The following FZD6 variants were observed in gnomAD, a reference collection of about 807,000 sequenced individuals.
The protein encoded by FZD6 is frizzled-6.
Under a neutral mutation model 61.4 loss-of-function variants are expected in FZD6, and 49 were observed. That is an observed-to-expected ratio of 0.80 (90% CI 0.63 to 1.01). The LOEUF is 1.01. Ranked by LOEUF, FZD6 falls within the 50% of genes least tolerant of loss-of-function variation. FZD6 has a pLI of 0.00. For synonymous variants in FZD6, 265 were observed against 292.2 expected, an observed-to-expected ratio of 0.91 and a Z score of 0.95; for missense variants, 724 against 848.2, an observed-to-expected ratio of 0.85 and a Z score of 1.82.
Position 103,331,395 on chromosome 8 carries a change from G to C in FZD6, c.2007G>C (p.Leu669Phe). The C allele has an allele frequency of 6.2e-7, 1 of 1,611,738 alleles. No individual in the cohort carries two copies. The highest frequency in any genetic ancestry group is 8.5e-7 in the Non-Finnish European group (1 of 1,177,904). Residue 669 changes from leucine (L) to phenylalanine (F), a missense_variant, in exon 7 of 7, where the codon TTG becomes TTC. Leu to Phe is a conservative substitution (Grantham distance 22). Transcript: ENST00000358755. ...CTGGCCTGGCACAGAGCAACAATTT[G>C]CAGGTCCCCAGTTCTTCAGAACCAA... is the stretch of plus-strand genomic sequence containing the variant. ...TDTGLAQSNN[L>F]QVPSSSEPSS... is the part of the protein sequence containing the mutation.
intron 2 of FZD6, among the ~76,000 whole-genome samples, 168 bp downstream of exon 2, chr8:103,300,452 G>A (rs1294934945): frequency 6.6e-6 from 1 of 152,142 alleles, no homozygotes; most frequent in Non-Finnish European, 1.5e-5. Flanking sequence ...CTTATGTTTT[G>A]TGTACCTTTG....
chr8:103,312,534 G>A (rs930008700), intron 2 of FZD6, among the ~76,000 whole-genome samples: 1 of 152,200 alleles, frequency 6.6e-6, no homozygotes, highest in Non-Finnish European at 1.5e-5. Context: ...GTTTAATGAT[G>A]TGATGAAATT....
At chr8:103,327,458 T>C (rs1007196242) in intron 4 of FZD6, among the ~76,000 whole-genome samples, 53 of 152,248 alleles carry the variant, frequency 3.5e-4, no homozygotes, top group African/African-American at 9.6e-4. Context: ...TAGCCAGGCA[T>C]GGTGGCGTAC....
chr8:103,328,486 A>G, intron 5 of FZD6, 70 bp downstream of exon 5: 1 of 1,185,380 alleles, frequency 8.4e-7, no homozygotes, highest in South Asian at 1.2e-5. Context: ...AACTGTTCAA[A>G]TCAATGTACT....
At chr8:103,331,046 A>G (rs185445878) in intron 6 of FZD6, among the ~76,000 whole-genome samples, 28 of 152,160 alleles carry the variant, frequency 1.8e-4, no homozygotes, top group Admixed American at 5.2e-4. Context: ...GTGTGGTGGC[A>G]CCCACCTGTA....
intron 2 of FZD6, among the ~76,000 whole-genome samples, chr8:103,308,965 T>C (rs1814419358): frequency 6.6e-6 from 1 of 152,180 alleles, no homozygotes; most frequent in Non-Finnish European, 1.5e-5. Context: ...CTTTATGTCT[T>C]TGATAAGTTA....
Position 103,325,508 on chromosome 8 carries a change from A to G in FZD6, c.1392+10A>G, listed in dbSNP as rs746771854. On this transcript the variant is annotated intron_variant, in intron 4 of 6. Coordinates refer to ENST00000358755, the MANE Select transcript of FZD6 (RefSeq NM_003506.4). Reference sequence around the variant, plus strand: ...CCCATGTCCTTATCAGGTAAAAGCTATCACTTGGATTATGTCTCTATTTAC... The same window carrying G: ...CCCATGTCCTTATCAGGTAAAAGCTGTCACTTGGATTATGTCTCTATTTAC... 1.9e-6 allele frequency: 3 copies of G among 1,582,304 alleles called. No individual in the cohort carries two copies. Among genetic ancestry groups the G allele is most frequent in the Non-Finnish European group, 2.6e-6 (3 of 1,151,186 alleles).
At chr8:103,327,270 C>T (rs1278459639) in intron 4 of FZD6, among the ~76,000 whole-genome samples, 2 of 152,180 alleles carry the variant, frequency 1.3e-5, no homozygotes, top group Non-Finnish European at 2.9e-5. Context: ...AGTTATGGTT[C>T]ACTCACACAA....
chr8:103,322,062 C>G (rs1814805896), intron 3 of FZD6, among the ~76,000 whole-genome samples: 1 of 152,142 alleles, frequency 6.6e-6, no homozygotes, highest in Admixed American at 6.5e-5. Context: ...AGCCACTATG[C>G]TATGACAGAT....
Position 103,329,932 on chromosome 8 carries a change from A to AC in FZD6, c.1824dup (p.Arg609GlnfsTer9). 6.2e-7 allele frequency: 1 copy of AC among 1,614,062 alleles called. No homozygotes were observed. The highest frequency in any genetic ancestry group is 8.5e-7 in the Non-Finnish European group (1 of 1,180,012). ...AGAGGTGAAAGCGGACGGAGCTAGC[A>AC]CCCCCAGGTTAAGAGAACAGGACTG... On this transcript the variant is annotated frameshift_variant, in exon 6 of 7. Coordinates refer to ENST00000358755, the MANE Select transcript of FZD6 (RefSeq NM_003506.4). LOFTEE classifies it high-confidence loss of function.
intron 3 of FZD6, among the ~76,000 whole-genome samples, chr8:103,321,633 C>T (rs915672336): frequency 6.6e-6 from 1 of 152,182 alleles, no homozygotes; most frequent in Admixed American, 6.5e-5. Context: ...GCTCTTGGTT[C>T]CCCAGGAGAA....
Position 103,299,938 on chromosome 8 carries a change from C to T in FZD6, c.-152-18C>T. The stretch of plus-strand genomic sequence containing the variant: ...TTATGACAAATGTTGCTGATACACC[C>T]TCCTTTTGTTTTTACAGTAATTGAC... On this transcript the variant is annotated intron_variant, in intron 1 of 6. Coordinates refer to ENST00000358755, the MANE Select transcript of FZD6 (RefSeq NM_003506.4). The T allele has an allele frequency of 8.4e-6, 5 of 595,370 alleles. 1 individual carries two copies. The highest frequency in any genetic ancestry group is 1.5e-5 in the Non-Finnish European group (5 of 330,626). The allele number at this position is 595,370 out of a possible 1,614,324, so 36.9% of individuals were successfully genotyped here.
chr8:103,313,564 C>T (rs986876689), intron 2 of FZD6, among the ~76,000 whole-genome samples: 1 of 152,210 alleles, frequency 6.6e-6, no homozygotes, highest in Non-Finnish European at 1.5e-5. Context: ...CTCCTTTTAA[C>T]TTCTTATTTA....
In FZD6 at chr8:103,331,286, G is replaced by T; in HGVS notation, c.1953-55G>T. ...TTAGGGGTGAAACTCATGAAAAATG[G>T]CATCATATTTGTGTTTGTGGATGTG... On this transcript the variant is annotated intron_variant, in intron 6 of 6. Transcript: ENST00000358755. 3 of 1,195,840 alleles carry T rather than the reference G, an allele frequency of 2.5e-6. No homozygotes were observed. In the South Asian group the frequency reaches 3.6e-5, roughly 14 times the overall value. The allele number at this position is 1,195,840 out of a possible 1,614,324, so 74.1% of individuals were successfully genotyped here.
At chr8:103,317,701 C>T (rs1455679024) in intron 2 of FZD6, among the ~76,000 whole-genome samples, 5 of 151,902 alleles carry the variant, frequency 3.3e-5, no homozygotes, top group Non-Finnish European at 5.9e-5. Flanking sequence ...TGGCATGCGC[C>T]TATAGTCCTA....
Position 103,325,135 on chromosome 8 carries a change from T to G in FZD6, c.1029T>G (p.Leu343=). 1 of 1,614,152 alleles carries G rather than the reference T, an allele frequency of 6.2e-7. No homozygotes were observed. Among genetic ancestry groups the G allele is most frequent in the Non-Finnish European group, 8.5e-7 (1 of 1,179,978 alleles). Residue 343 remains leucine (L), a synonymous_variant, in exon 4 of 7, where the codon CTT becomes CTG. Coordinates refer to ENST00000358755, the MANE Select transcript of FZD6 (RefSeq NM_003506.4). ...CAGGTTTCCTGACTGTTATGCTTCT[T>G]GCTATGAACAAAGTTGAAGGAGACA... is the stretch of plus-strand genomic sequence containing the variant. ...GTPGFLTVML[L]AMNKVEGDNI... is the part of the protein sequence containing the mutation.
At chr8:103,300,989 A>G (rs906674579) in intron 2 of FZD6, among the ~76,000 whole-genome samples, 2 of 152,124 alleles carry the variant, frequency 1.3e-5, no homozygotes, top group African/African-American at 4.8e-5. Flanking sequence ...TCCCATACAG[A>G]TTTGTTAGGT....
chr8:103,318,480 G>A (rs1441808889), intron 2 of FZD6, 110 bp from the exon 3 acceptor site: 2 of 714,414 alleles, frequency 2.8e-6, no homozygotes, highest in Admixed American at 2.1e-5. Flanking sequence ...GAGATTTAAA[G>A]ATTCTTTTGC....
chr8:103,318,699 G>T lies in FZD6; in HGVS notation c.287G>T (p.Arg96Leu). ...CAAATTCATGTGGTTCCACCTTGTC[G>T]TAAACTTTGTGAGAAAGTATATTCT... ...IEQIHVVPPC[R>L]KLCEKVYSDC... Residue 96 changes from arginine (R) to leucine (L), a missense_variant, in exon 3 of 7, where the codon CGT (arginine) becomes CTT (leucine). By Grantham distance (102) the Arg-to-Leu change is moderately radical. Coordinates refer to ENST00000358755, the MANE Select transcript of FZD6 (RefSeq NM_003506.4). 1 of 1,608,268 alleles carries T rather than the reference G, an allele frequency of 6.2e-7. No individual in the cohort carries two copies. The highest frequency in any genetic ancestry group is 8.5e-7 in the Non-Finnish European group (1 of 1,174,710).
Sources: allele counts gnomAD v4.1 joint callset (sites outside exome capture counted in the v4.1 genomes callset), GRCh38; gene constraint gnomAD v4.1.1; transcripts MANE v1.5; gene names NCBI Gene and HGNC (gene_info 2026-07-23, HGNC 2026-07-21).